Variants in ASTN2 observed in about 807,000 individuals in gnomAD.
ASTN2 encodes astrotactin 2.
A neutral mutation model predicts 139.8 loss-of-function variants in ASTN2; 54 were observed. That is an observed-to-expected ratio of 0.39 (90% CI 0.31 to 0.48). ASTN2 has a LOEUF of 0.48. Ranked by LOEUF, ASTN2 falls within the 20% of genes least tolerant of loss-of-function variation. The probability of loss-of-function intolerance (pLI) is 0.95; values close to 1 mark genes in which losing one functional copy is unlikely to be tolerated. For missense variants in ASTN2, 1,565 were observed against 1,725.1 expected (o/e 0.91, Z 1.64); for synonymous variants, 756 against 719.5 (o/e 1.05, Z -0.81).
chr9:116,612,052 TAG>T (rs1488243190), intron 19 of ASTN2: 1 of 152,112 alleles, frequency 6.6e-6, no homozygotes, highest in Non-Finnish European at 1.5e-5. Flanking sequence ...TTAACAAATT[TAG>T]AGAGATAAAC....
intron 11 of ASTN2, among the ~76,000 whole-genome samples, chr9:116,836,187 C>T (rs985376148): frequency 6.6e-6 from 1 of 152,130 alleles, no homozygotes; most frequent in African/African-American, 2.4e-5. Context: ...CTGTTCCCCC[C>T]TTAATCTCCA....
chr9:117,081,745 G>T (rs1425234199), intron 5 of ASTN2, among the ~76,000 whole-genome samples: 2 of 152,170 alleles, frequency 1.3e-5, no homozygotes, highest in Non-Finnish European at 2.9e-5. Flanking sequence ...GAATAAACAT[G>T]TTGTGAACCG....
At chr9:116,702,294 GT>G (rs1827847168) in intron 16 of ASTN2, among the ~76,000 whole-genome samples, 1 of 151,786 alleles carries the variant, frequency 6.6e-6, no homozygotes, top group African/African-American at 2.4e-5. Flanking sequence ...CTTTTATCTA[GT>G]TGCTCAAAAG....
Position 117,384,621 on chromosome 9 carries a change from G to C in ASTN2, c.442+29876C>G, listed in dbSNP as rs115116866. On this transcript the variant is annotated intron_variant, in intron 1 of 22. Coordinates refer to ENST00000313400, the MANE Select transcript of ASTN2 (RefSeq NM_001365068.1). The stretch of plus-strand genomic sequence containing the variant: ...CAGCAAGTCATTTCCTATGGGCCAT[G>C]GCTTCCACATGATACACTGAGAGGG... Among the ~76,000 whole-genome samples the C allele has an allele frequency of 4.0e-3, 606 of 152,322 alleles. 5 individuals carry two copies. Among genetic ancestry groups the C allele is most frequent in the African/African-American group, 0.014 (592 of 41,562 alleles).
At chr9:116,608,432 G>A (rs1188687038) in intron 19 of ASTN2, among the ~76,000 whole-genome samples, 1 of 152,094 alleles carries the variant, frequency 6.6e-6, no homozygotes, top group Non-Finnish European at 1.5e-5. Context: ...ACACTGAAGG[G>A]TCCTCCCTTA....
chr9:117,086,716 G>A (rs1407295920), intron 5 of ASTN2, among the ~76,000 whole-genome samples: 2 of 152,072 alleles, frequency 1.3e-5, no homozygotes, highest in South Asian at 2.1e-4. Context: ...CACTTCTCCC[G>A]GCTTTCCCTG....
At chr9:117,144,964 TG>T (rs1158276530) in intron 3 of ASTN2, among the ~76,000 whole-genome samples, 3 of 152,102 alleles carry the variant, frequency 2.0e-5, no homozygotes, top group Non-Finnish European at 2.9e-5. Flanking sequence ...ATTACAGGCA[TG>T]ACCCACTACG....
chr9:116,890,130 G>A (rs1010525200), intron 10 of ASTN2, among the ~76,000 whole-genome samples: 2 of 152,220 alleles, frequency 1.3e-5, no homozygotes, highest in Non-Finnish European at 2.9e-5. Context: ...CAACCAGGCA[G>A]GGGGAGCGAG....
chr9:116,466,268 A>C (rs1848645370), intron 20 of ASTN2, among the ~76,000 whole-genome samples: 1 of 152,094 alleles, frequency 6.6e-6, no homozygotes, highest in South Asian at 2.1e-4. Context: ...CTTGCAGAAA[A>C]ATCTCTGTGA....
intron 16 of ASTN2, among the ~76,000 whole-genome samples, chr9:116,701,606 G>C (rs1861172025): frequency 6.6e-6 from 1 of 152,164 alleles, no homozygotes; most frequent in South Asian, 2.1e-4. Context: ...GAATCCTCCA[G>C]CTGTCTGTGC....
intron 3 of ASTN2, among the ~76,000 whole-genome samples, chr9:117,184,521 C>T (rs964667652): frequency 3.3e-5 from 5 of 152,166 alleles, no homozygotes; most frequent in Non-Finnish European, 5.9e-5. Flanking sequence ...AAGCTGTTGA[C>T]ATGGACTGGA....
intron 20 of ASTN2, among the ~76,000 whole-genome samples, chr9:116,468,682 A>G (rs1449516916): frequency 6.6e-6 from 1 of 152,172 alleles, no homozygotes; most frequent in Non-Finnish European, 1.5e-5. Flanking sequence ...CTTCCTAAAG[A>G]GCAAATCTGA....
chr9:116,795,014 T>A (rs2132228719), intron 13 of ASTN2, among the ~76,000 whole-genome samples: 1 of 152,362 alleles, frequency 6.6e-6, no homozygotes, highest in Admixed American at 6.5e-5. Context: ...TTCACTCTTG[T>A]TGCCCAGGCT....
intron 1 of ASTN2, among the ~76,000 whole-genome samples, chr9:117,339,293 C>T (rs935873244): frequency 6.6e-6 from 1 of 152,140 alleles, no homozygotes; most frequent in African/African-American, 2.4e-5. Flanking sequence ...TCTAACTCCA[C>T]GAGCGCTCTT....
chr9:116,675,590 G>C (rs1242009882), intron 16 of ASTN2, among the ~76,000 whole-genome samples: 1 of 152,184 alleles, frequency 6.6e-6, no homozygotes, highest in Non-Finnish European at 1.5e-5. Flanking sequence ...TAGTTTGGAA[G>C]GGATACTCTT....
intron 5 of ASTN2, among the ~76,000 whole-genome samples, chr9:117,063,696 T>A (rs557913998): frequency 6.6e-6 from 1 of 152,310 alleles, no homozygotes; most frequent in South Asian, 2.1e-4. Context: ...GTAAATCAAC[T>A]TTTGTGGGCT....
Position 117,201,185 on chromosome 9 carries a change from A to ACAGTAGTTT in ASTN2, c.1015+13164_1015+13172dup, listed in dbSNP as rs1185441762. Among the ~76,000 whole-genome samples the ACAGTAGTTT allele has an allele frequency of 3.3e-5, 5 of 152,010 alleles. No homozygotes were observed. In the East Asian group the frequency reaches 9.7e-4, roughly 29 times the overall value. ...ATAGAGGTATTTATGGTATTCTCTG[A>ACAGTAGTTT]CAGTAGTTTGTATTTATATGGGGTC... On this transcript the variant is annotated intron_variant, in intron 3 of 22. Coordinates refer to ENST00000313400, the MANE Select transcript of ASTN2 (RefSeq NM_001365068.1).
At chr9:116,847,715 CT>C (rs1489745416) in intron 11 of ASTN2, among the ~76,000 whole-genome samples, 1 of 152,238 alleles carries the variant, frequency 6.6e-6, no homozygotes, top group African/African-American at 2.4e-5. Flanking sequence ...GCTTTAGGAA[CT>C]TGTCCCAAGG....
chr9:116,730,416 A>G (rs950699797), intron 14 of ASTN2, among the ~76,000 whole-genome samples: 11 of 152,128 alleles, frequency 7.2e-5, no homozygotes, highest in African/African-American at 2.7e-4. Context: ...CTTTCATTTT[A>G]AAGTAAAATA....
Sources: gnomAD v4.1 joint callset for allele counts (sites outside exome capture counted in the v4.1 genomes callset) on GRCh38, gnomAD v4.1.1 for gene constraint, MANE v1.5 for transcripts, NCBI Gene and HGNC (gene_info 2026-07-23, HGNC 2026-07-21) for gene names.